The following TJP2 variants were observed in gnomAD, a reference collection of about 807,000 sequenced individuals.
TJP2 encodes the protein Friedreich ataxia region gene X104 (tight junction protein ZO-2).
In TJP2, 91 loss-of-function variants were observed where a neutral mutation model predicts 133.1. The ratio of observed to expected loss-of-function variants is 0.68; its 90% CI spans 0.58 to 0.81. TJP2 has a LOEUF of 0.81. Ranked by LOEUF, TJP2 falls within the 40% of genes least tolerant of loss-of-function variation. The pLI, the probability that TJP2 is intolerant of heterozygous loss-of-function variation, is 0.00. For synonymous variants in TJP2, 592 were observed against 583.4 expected, an observed-to-expected ratio of 1.01 and a Z score of -0.21; for missense variants, 1,541 against 1,565.6, an observed-to-expected ratio of 0.98 and a Z score of 0.26.
At chr9:69,231,152 C>T (rs1453067481) in intron 11 of TJP2, among the ~76,000 whole-genome samples, 1 of 152,182 alleles carries the variant, frequency 6.6e-6, no homozygotes, top group East Asian at 1.9e-4. Context: ...CTCTGTCACC[C>T]AGGCTGGAGT....
chr9:69,212,780 T>C (rs1828021180), intron 2 of TJP2, among the ~76,000 whole-genome samples, 179 bp downstream of exon 2: 1 of 152,218 alleles, frequency 6.6e-6, no homozygotes, highest in Non-Finnish European at 1.5e-5. Flanking sequence ...TGCTATTGTA[T>C]TTTTTGATTA....
At chr9:69,129,441 G>T (rs1822391777) in intron 1 of TJP2, among the ~76,000 whole-genome samples, 1 of 151,806 alleles carries the variant, frequency 6.6e-6, no homozygotes, top group South Asian at 2.1e-4. Flanking sequence ...AGCCTGGGAG[G>T]TCCAGGCTGC....
chr9:69,151,797 A>C (rs1823490116), intron 2 of TJP2: 3 of 1,232,036 alleles, frequency 2.4e-6, no homozygotes, highest in Non-Finnish European at 3.0e-6. Context: ...ATCTCTCATC[A>C]ACCTAGTTAC....
chr9:69,146,254 T>TC (rs1352087732), intron 1 of TJP2, among the ~76,000 whole-genome samples: 2 of 152,244 alleles, frequency 1.3e-5, no homozygotes, highest in Non-Finnish European at 2.9e-5. Context: ...ACAGCAGTTT[T>TC]CCTTCCACAT....
intron 2 of TJP2, among the ~76,000 whole-genome samples, chr9:69,152,820 T>A (rs1162148170): frequency 1.5e-5 from 1 of 66,494 alleles, no homozygotes; most frequent in African/African-American, 6.4e-5. Flanking sequence ...TGGAGCTCTT[T>A]TTTTTTTTTT....
chr9:69,196,846 G>A (rs546608184), intron 1 of TJP2, among the ~76,000 whole-genome samples: 1 of 151,578 alleles, frequency 6.6e-6, no homozygotes, highest in South Asian at 2.1e-4. Context: ...GCCCCTCCTT[G>A]ACATTTCACA....
chr9:69,184,835 C>T (rs1435238522), intron 1 of TJP2, among the ~76,000 whole-genome samples: 6 of 144,394 alleles, frequency 4.2e-5, no homozygotes, highest in East Asian at 2.0e-4. Context: ...ACTGCAGCCT[C>T]GACTTCCCTG....
intron 1 of TJP2, among the ~76,000 whole-genome samples, chr9:69,193,579 CT>C (rs1826350707): frequency 6.8e-6 from 1 of 146,508 alleles, no homozygotes; most frequent in South Asian, 2.3e-4. Flanking sequence ...AGGATGCAGA[CT>C]GTCAGTTTCA....
At chr9:69,185,463 G>C (rs12554380) in intron 1 of TJP2, among the ~76,000 whole-genome samples, 8,928 of 152,138 alleles carry the variant, frequency 0.059, 750 homozygotes, top group Admixed American at 0.23. Flanking sequence ...TTTCTGGAAG[G>C]GCCTTCCAGA....
chr9:69,185,788 C>T lies in TJP2; in HGVS notation c.60+11356C>T, dbSNP rs558727014. 1.7e-4 allele frequency among the ~76,000 whole-genome samples: 26 copies of T among 151,802 alleles called. 1 individual carries two copies. In the East Asian group the frequency reaches 2.9e-3, roughly 17 times the overall value. On this transcript the variant is annotated intron_variant, in intron 1 of 22. Coordinates refer to ENST00000377245, the MANE Select transcript of TJP2 (RefSeq NM_004817.4). ...ATCATATTTTGTACCTCAAATCTCT[C>T]GCGGAGGGAACACTGTAGTCTACCA...
chr9:69,235,014 C>T (rs1830076920), intron 12 of TJP2, among the ~76,000 whole-genome samples: 1 of 151,982 alleles, frequency 6.6e-6, no homozygotes, highest in Non-Finnish European at 1.5e-5. Context: ...TTAATGTTCT[C>T]CAGAGAAACA....
Position 69,127,163 on chromosome 9 carries a change from G to A in TJP2, c.-131+5438G>A, listed in dbSNP as rs544494747. ...CGGCTCACTGCAAGCTCTGCCTCCC[G>A]GGTTCACGCCATTCTCCTGCCTCAG... is the stretch of plus-strand genomic sequence containing the variant. On this transcript the variant is annotated intron_variant, in intron 1 of 5. Transcript: ENST00000423935. Among the ~76,000 whole-genome samples the A allele has an allele frequency of 5.2e-3, 379 of 72,656 alleles. 125 individuals carry two copies. The highest frequency in any genetic ancestry group is 0.015 in the African/African-American group (344 of 23,620). The allele number at this position is 72,656 out of a possible 152,430, so 47.7% of individuals were successfully genotyped here.
Position 69,237,915 on chromosome 9 carries a change from A to G in TJP2, c.2217A>G (p.Ile739Met). ...FKRPVVLFGP[I>M]ADIAMEKLAN... ...GACCTGTGGTCTTATTCGGCCCCAT[A>G]GCTGATATAGCAATGGAAAAATTGG... The change falls in exon 15 of 23, where the codon ATA becomes ATG. Residue 739 changes from isoleucine to methionine, a missense_variant. By Grantham distance (10) the Ile-to-Met change is conservative (BLOSUM62 1). Coordinates refer to ENST00000377245, the MANE Select transcript of TJP2 (RefSeq NM_004817.4). 20 of 1,614,006 alleles carry G rather than the reference A, an allele frequency of 1.2e-5. No individual in the cohort carries two copies. Among genetic ancestry groups the G allele is most frequent in the Non-Finnish European group, 1.7e-5 (20 of 1,179,934 alleles).
intron 14 of TJP2, 29 bp from the exon 15 acceptor site, chr9:69,237,849 T>A: frequency 6.6e-7 from 1 of 1,516,920 alleles, no homozygotes; most frequent in East Asian, 2.3e-5. Flanking sequence ...CAAGTGTGTA[T>A]GCTTTAATGG....
chr9:69,141,951 C>T (rs1290794779), intron 1 of TJP2, among the ~76,000 whole-genome samples: 1 of 152,202 alleles, frequency 6.6e-6, no homozygotes, highest in African/African-American at 2.4e-5. Flanking sequence ...AATGATGGAA[C>T]AGAGGTTCAG....
At chr9:69,244,218 C>T (rs1463704844) in intron 17 of TJP2, among the ~76,000 whole-genome samples, 10 of 149,842 alleles carry the variant, frequency 6.7e-5, no homozygotes, top group Admixed American at 6.0e-4. Flanking sequence ...GTATGCAATT[C>T]AGTGGGCTTT....
At chr9:69,174,564 C>A (rs1824920557) in intron 1 of TJP2, 132 bp downstream of exon 1, 3 of 1,135,280 alleles carry the variant, frequency 2.6e-6, no homozygotes, top group Non-Finnish European at 2.6e-6. Context: ...ATTCTCCCAT[C>A]CGGACGTGGG....
intron 19 of TJP2, 198 bp from the exon 20 acceptor site, chr9:69,249,177 C>T: frequency 3.0e-6 from 3 of 985,370 alleles, no homozygotes; most frequent in Non-Finnish European, 3.6e-6. Flanking sequence ...GGAAGAGACT[C>T]TACATTGGAT....
At chr9:69,186,822 G>T (rs563644329) in intron 1 of TJP2, among the ~76,000 whole-genome samples, 1 of 152,308 alleles carries the variant, frequency 6.6e-6, no homozygotes, top group South Asian at 2.1e-4. Flanking sequence ...AAATTGTCAA[G>T]TGAACTAATA....
Sources: gnomAD v4.1 joint callset for allele counts (sites outside exome capture counted in the v4.1 genomes callset) on GRCh38, gnomAD v4.1.1 for gene constraint, MANE v1.5 for transcripts, NCBI Gene and HGNC (gene_info 2026-07-23, HGNC 2026-07-21) for gene names.